Variants in TTC28 observed in about 807,000 individuals in gnomAD.
The protein encoded by TTC28 is tetratricopeptide repeat protein 28.
In TTC28, 61 loss-of-function variants were observed where a neutral mutation model predicts 198.0. The observed-to-expected ratio is 0.31, with a 90% CI of 0.25 to 0.38. TTC28 has a LOEUF of 0.38. Among genes scored for constraint, TTC28 ranks in the 10% least tolerant of loss-of-function variants. The pLI is 1.00. For synonymous variants in TTC28, 1,171 were observed against 1,297.8 expected (o/e 0.90, Z 2.10); for missense variants, 2,678 against 3,164.0 (o/e 0.85, Z 3.69).
intron 5 of TTC28, among the ~76,000 whole-genome samples, chr22:28,237,215 C>T (rs1213269085): frequency 6.6e-6 from 1 of 152,078 alleles, no homozygotes; most frequent in Non-Finnish European, 1.5e-5. Context: ...AATGGTTGCT[C>T]TCCACAGCCC....
chr22:28,552,443 C>T lies in TTC28; in HGVS notation c.381+77109G>A, dbSNP rs567990546. Among the ~76,000 whole-genome samples the T allele has an allele frequency of 2.0e-5, 3 of 152,088 alleles. No individual in the cohort carries two copies. The South Asian group carries it at 6.2e-4, about 32-fold the overall frequency. On this transcript the variant is annotated intron_variant, in intron 2 of 22. Transcript: ENST00000397906. ...GCCACGTAAGACTAAGCAAAAAGAA[C>T]AAATCTAGAAGTATCACATTACTGA...
At chr22:27,985,506 C>A in intron 21 of TTC28, 150 bp from the exon 22 acceptor site, 2 of 624,506 alleles carry the variant, frequency 3.2e-6, no homozygotes. Flanking sequence ...CATGTCTGCA[C>A]AGAGGTTGGT....
intron 6 of TTC28, among the ~76,000 whole-genome samples, chr22:28,148,806 G>A (rs538817312): frequency 1.2e-3 from 182 of 152,204 alleles, no homozygotes; most frequent in Non-Finnish European, 2.3e-3. Flanking sequence ...GGTCTCTGGG[G>A]TCAGAAGCAG....
intron 2 of TTC28, among the ~76,000 whole-genome samples, chr22:28,334,866 C>T (rs1472601963): frequency 1.3e-5 from 2 of 152,124 alleles, no homozygotes; most frequent in Non-Finnish European, 2.9e-5. Flanking sequence ...TAATTAGATC[C>T]CATTTGTCAA....
At chr22:28,557,368 T>C (rs1235504713) in intron 2 of TTC28, among the ~76,000 whole-genome samples, 1 of 152,238 alleles carries the variant, frequency 6.6e-6, no homozygotes, top group Non-Finnish European at 1.5e-5. Flanking sequence ...TCTGCCTCTG[T>C]GCTACATTCT....
At chr22:28,090,246 G>A (rs1048763860) in intron 12 of TTC28, among the ~76,000 whole-genome samples, 1 of 151,426 alleles carries the variant, frequency 6.6e-6, no homozygotes, top group African/African-American at 2.4e-5. Flanking sequence ...ATATAGCCTA[G>A]TCTCCTTCTG....
At chr22:28,600,737 AG>A (rs1331330124) in intron 2 of TTC28, among the ~76,000 whole-genome samples, 1 of 152,224 alleles carries the variant, frequency 6.6e-6, no homozygotes, top group African/African-American at 2.4e-5. Context: ...TAAACACAAG[AG>A]GGCGCACAAG....
intron 2 of TTC28, among the ~76,000 whole-genome samples, chr22:28,579,927 GCCACTGCACT>G (rs891240273): frequency 2.0e-5 from 3 of 151,812 alleles, no homozygotes; most frequent in Admixed American, 2.0e-4. Context: ...CCAAGATCGC[GCCACTGCACT>G]CCAGCCTGAG....
intron 2 of TTC28, among the ~76,000 whole-genome samples, chr22:28,477,330 C>T (rs2048180892): frequency 6.6e-6 from 1 of 152,162 alleles, no homozygotes; most frequent in Admixed American, 6.5e-5. Context: ...CATGACTTCC[C>T]AACTGCTCTT....
chr22:28,395,243 T>C (rs2046795696), intron 2 of TTC28, among the ~76,000 whole-genome samples: 1 of 152,206 alleles, frequency 6.6e-6, no homozygotes, highest in Admixed American at 6.5e-5. Context: ...CCATATATAA[T>C]TTTTACAAAG....
At chr22:28,572,368 GT>G (rs2050077527) in intron 2 of TTC28, among the ~76,000 whole-genome samples, 1 of 152,022 alleles carries the variant, frequency 6.6e-6, no homozygotes, top group Non-Finnish European at 1.5e-5. Context: ...TGACAGCATT[GT>G]TCGTAATAGG....
chr22:28,457,931 A>C (rs1256197264), intron 2 of TTC28, among the ~76,000 whole-genome samples: 1 of 152,110 alleles, frequency 6.6e-6, no homozygotes, highest in South Asian at 2.1e-4. Context: ...CTCTAAATGA[A>C]GTTTTGCCAT....
rs1942264823 is a variant in TTC28, at chr22:28,105,413, A to G, written c.3173T>C (p.Val1058Ala). The G allele has an allele frequency of 3.2e-6, 5 of 1,551,582 alleles. No homozygotes were observed. Among genetic ancestry groups the G allele is most frequent in the Admixed American group, 2.0e-5 (1 of 50,982 alleles). Residue 1058 changes from valine (V) to alanine (A), a missense_variant, in exon 8 of 23, where the codon GTC becomes GCC. Physicochemically the swap from Val to Ala is moderately conservative, Grantham distance 64 (BLOSUM62 0). Coordinates refer to ENST00000397906, the MANE Select transcript of TTC28 (RefSeq NM_001145418.2). Reference protein sequence around the residue: ...ESLGTFERAVVYQEQHLSIAA... With the variant: ...ESLGTFERAVAYQEQHLSIAA... ...AATGCTCAAGTGCTGTTCTTGATAG[A>G]CCACAGCCCTCTCGAAGGTGCCCAG...
intron 2 of TTC28, among the ~76,000 whole-genome samples, chr22:28,546,540 A>G (rs1372593208): frequency 6.6e-6 from 1 of 152,236 alleles, no homozygotes; most frequent in East Asian, 1.9e-4. Flanking sequence ...GTGAGCATGT[A>G]AAGTGGTACA....
chr22:28,507,571 C>T (rs1470895307), intron 2 of TTC28, among the ~76,000 whole-genome samples: 1 of 152,114 alleles, frequency 6.6e-6, no homozygotes, highest in Non-Finnish European at 1.5e-5. Flanking sequence ...CAGTAAAATA[C>T]TCCACAAGAA....
intron 5 of TTC28, among the ~76,000 whole-genome samples, chr22:28,188,722 G>C (rs1329883597): frequency 6.6e-6 from 1 of 152,076 alleles, no homozygotes; most frequent in Non-Finnish European, 1.5e-5. Context: ...CCTTTGTTCT[G>C]CTCAGTTTCC....
chr22:28,455,391 C>T (rs1213332215), intron 2 of TTC28, among the ~76,000 whole-genome samples: 1 of 152,152 alleles, frequency 6.6e-6, no homozygotes, highest in Non-Finnish European at 1.5e-5. Context: ...AAGCAGTCCT[C>T]CCTCTTGCAA....
At chr22:28,481,086 T>C (rs754822626) in intron 2 of TTC28, among the ~76,000 whole-genome samples, 19 of 152,222 alleles carry the variant, frequency 1.2e-4, no homozygotes, top group Non-Finnish European at 2.2e-4. Flanking sequence ...TATTCTGTTA[T>C]TCTATTCTTT....
chr22:28,679,525 C>T, intron 1 of TTC28, 97 bp downstream of exon 1: 1 of 797,552 alleles, frequency 1.3e-6, no homozygotes, highest in South Asian at 2.1e-5. Context: ...ACGCCTTCCG[C>T]CTCGCAGGCG....
Sources: allele counts gnomAD v4.1 joint callset (sites outside exome capture counted in the v4.1 genomes callset), GRCh38; gene constraint gnomAD v4.1.1; transcripts MANE v1.5; gene names NCBI Gene and HGNC (gene_info 2026-07-23, HGNC 2026-07-21).